Variants in ERGIC1 observed in about 807,000 individuals in gnomAD.
ERGIC1 encodes endoplasmic reticulum-golgi intermediate compartment 1.
In ERGIC1, 19 loss-of-function variants were observed where a neutral mutation model predicts 38.3. That is an observed-to-expected ratio of 0.50 (90% CI 0.35 to 0.73). ERGIC1 has a LOEUF of 0.73. Among genes scored for constraint, ERGIC1 ranks in the 30% least tolerant of loss-of-function variants. The probability of loss-of-function intolerance (pLI) is 0.01; values close to 1 mark genes in which losing one functional copy is unlikely to be tolerated. For missense variants in ERGIC1, 294 were observed against 389.2 expected (o/e 0.76, Z 2.06); for synonymous variants, 124 against 157.6 (o/e 0.79, Z 1.60).
intron 2 of ERGIC1, 25 bp from the exon 3 acceptor site, chr5:172,896,977 T>A: frequency 6.2e-7 from 1 of 1,611,618 alleles, no homozygotes; most frequent in Non-Finnish European, 8.5e-7. Flanking sequence ...CCCTTAACAG[T>A]TTGCATTTCT....
rs543755080 is a variant in ERGIC1, at chr5:172,834,267, A to AGGCGAGTGGCGAGT, written c.-131_-118dup. On this transcript the variant is annotated 5_prime_UTR_variant, in exon 1 of 10. Transcript: ENST00000393784. The surrounding 1 kb of genome is among the most constrained non-coding windows in gnomAD (Gnocchi z 4.1). Reference sequence around the variant, plus strand: ...CGGAGCGTCACTTCCCGGCAGCGGGAGGCGAGTGGCGAGTGGCGAGTGGCG... The same window carrying AGGCGAGTGGCGAGT: ...CGGAGCGTCACTTCCCGGCAGCGGGAGGCGAGTGGCGAGTGGCGAGTGGCGAGTGGCGAGTGGCG... 13 of 752,168 alleles carry AGGCGAGTGGCGAGT rather than the reference A, an allele frequency of 1.7e-5. No homozygotes were observed. Among genetic ancestry groups the AGGCGAGTGGCGAGT allele is most frequent in the African/African-American group, 1.3e-4 (7 of 52,450 alleles). 46.6% of individuals were successfully genotyped at this position (752,168 alleles called of 1,614,324 possible). A position where few individuals can be genotyped will look rare whatever the true frequency, so the allele number is the denominator to read the frequency against.
chr5:172,918,536 G>A (rs1763431714), intron 5 of ERGIC1, among the ~76,000 whole-genome samples: 1 of 152,254 alleles, frequency 6.6e-6, no homozygotes, highest in Non-Finnish European at 1.5e-5. Context: ...GGCGGAACCT[G>A]CAGCCTGGAA....
At chr5:172,888,906 A>C (rs1246350857) in intron 2 of ERGIC1, 146 bp downstream of exon 2, 25 of 765,956 alleles carry the variant, frequency 3.3e-5, no homozygotes, top group Non-Finnish European at 5.3e-5. Context: ...GGGGCCCTTC[A>C]AGCATTTCCT....
intron 1 of ERGIC1, among the ~76,000 whole-genome samples, chr5:172,836,646 C>G (rs545798993): frequency 6.6e-6 from 1 of 152,214 alleles, no homozygotes; most frequent in Non-Finnish European, 1.5e-5. Context: ...ATCAAGCATT[C>G]ATCAAGTGTC....
At chr5:172,902,786 G>T (rs1762917956) in intron 3 of ERGIC1, among the ~76,000 whole-genome samples, 1 of 151,776 alleles carries the variant, frequency 6.6e-6, no homozygotes, top group Non-Finnish European at 1.5e-5. Context: ...CCTTGCGGCA[G>T]GCCTCACCGC....
chr5:172,873,611 G>A (rs1189163720), intron 1 of ERGIC1, among the ~76,000 whole-genome samples: 2 of 152,206 alleles, frequency 1.3e-5, no homozygotes, highest in East Asian at 3.9e-4. Context: ...GGGCCCAGTG[G>A]GGAGCTTTGG....
chr5:172,942,241 A>G (rs1014977476), intron 9 of ERGIC1, among the ~76,000 whole-genome samples: 3 of 152,182 alleles, frequency 2.0e-5, no homozygotes, highest in African/African-American at 7.2e-5. Flanking sequence ...ACAAGAGACA[A>G]ACTTCAAACT....
chr5:172,948,989 G>A (rs1218879588), intron 9 of ERGIC1, among the ~76,000 whole-genome samples: 1 of 152,164 alleles, frequency 6.6e-6, no homozygotes, highest in Non-Finnish European at 1.5e-5. Context: ...GGGAGTTGGG[G>A]TCTGTGGTGA....
chr5:172,908,313 G>C (rs1442790593), intron 3 of ERGIC1, among the ~76,000 whole-genome samples: 1 of 4,788 alleles, frequency 2.1e-4, no homozygotes, highest in Non-Finnish European at 8.8e-4. Context: ...GGGCGGGGGG[G>C]GGGGGAGAGA....
chr5:172,943,487 A>G (rs1764055593), intron 9 of ERGIC1, among the ~76,000 whole-genome samples: 1 of 151,886 alleles, frequency 6.6e-6, no homozygotes, highest in Admixed American at 6.6e-5. Context: ...ACTCCAATTC[A>G]TTATTTATTT....
rs554003701 is a variant in ERGIC1, at chr5:172,923,894, C to T, written c.376-111C>T. On this transcript the variant is annotated intron_variant, in intron 5 of 9. Coordinates refer to ENST00000393784, the MANE Select transcript of ERGIC1 (RefSeq NM_001031711.3). ...GAAAATGATACAAGCAGGATCCAAA[C>T]CCAGATCTGCCTGATTCCAGTGTCC... 99 of 948,266 alleles carry T rather than the reference C, an allele frequency of 1.0e-4. No individual in the cohort carries two copies. The Middle Eastern group carries it at 2.1e-3, about 20-fold the overall frequency. The allele number at this position is 948,266 out of a possible 1,614,324, so 58.7% of individuals were successfully genotyped here. A position where few individuals can be genotyped will look rare whatever the true frequency, so the allele number is the denominator to read the frequency against.
intron 3 of ERGIC1, among the ~76,000 whole-genome samples, chr5:172,897,443 A>G (rs12652366): frequency 0.039 from 5,607 of 142,332 alleles, 169 homozygotes; most frequent in Non-Finnish European, 0.063. Flanking sequence ...AAAAAAAAAA[A>G]AGAGAGAGAG....
chr5:172,941,533 C>T lies in ERGIC1; in HGVS notation c.765+6223C>T, dbSNP rs148447726. ...GTGCCTGCCTCTGCAACATCCCCTA[C>T]CCCCAGCACTGTCTCAGGAGCCTCT... On this transcript the variant is annotated intron_variant, in intron 9 of 9. Coordinates refer to ENST00000393784, the MANE Select transcript of ERGIC1 (RefSeq NM_001031711.3). Among the ~76,000 whole-genome samples, 556 of 152,240 alleles carry T rather than the reference C, an allele frequency of 3.7e-3. 6 individuals are homozygous for T. The highest frequency in any genetic ancestry group is 0.013 in the African/African-American group (537 of 41,552).
At chr5:172,863,917 C>T (rs1357630672) in intron 1 of ERGIC1, among the ~76,000 whole-genome samples, 3 of 152,158 alleles carry the variant, frequency 2.0e-5, no homozygotes, top group African/African-American at 7.2e-5. Context: ...TCAACATGGC[C>T]GGGCGCGGTG....
At chr5:172,948,976 C>T (rs1764176809) in intron 9 of ERGIC1, among the ~76,000 whole-genome samples, 1 of 152,146 alleles carries the variant, frequency 6.6e-6, no homozygotes, top group Non-Finnish European at 1.5e-5. Flanking sequence ...ATCACTTGAA[C>T]CTGGGAGTTG....
intron 1 of ERGIC1, among the ~76,000 whole-genome samples, chr5:172,857,753 C>T (rs746144873): frequency 2.6e-5 from 4 of 152,056 alleles, no homozygotes; most frequent in Non-Finnish European, 4.4e-5. Context: ...GGCTTCTTCC[C>T]CGGGTTCTTG....
At chr5:172,918,942 G>A (rs1438566820) in intron 5 of ERGIC1, among the ~76,000 whole-genome samples, 2 of 142,556 alleles carry the variant, frequency 1.4e-5, no homozygotes, top group Admixed American at 6.9e-5. Flanking sequence ...TCCCCACCAC[G>A]CCCCTCATCA....
intron 9 of ERGIC1, among the ~76,000 whole-genome samples, chr5:172,938,764 GAAA>G (rs111845778): frequency 2.6e-4 from 32 of 121,634 alleles, no homozygotes; most frequent in Non-Finnish European, 4.5e-4. Flanking sequence ...AAAAAAAAAA[GAAA>G]AAAAAAAAGA....
At chr5:172,883,503 G>GTTTTT (rs991081651) in intron 1 of ERGIC1, among the ~76,000 whole-genome samples, 1 of 152,126 alleles carries the variant, frequency 6.6e-6, no homozygotes, top group South Asian at 2.1e-4. Flanking sequence ...GTTTTGTTTT[G>GTTTTT]TTTTTTTGTA....
Sources: gnomAD v4.1 joint callset for allele counts (sites outside exome capture counted in the v4.1 genomes callset) on GRCh38, gnomAD v4.1.1 for gene constraint, Gnocchi (gnomAD v3.1) non-coding constraint, MANE v1.5 for transcripts, NCBI Gene and HGNC (gene_info 2026-07-23, HGNC 2026-07-21) for gene names.